Variants in TOM1L2 observed in about 807,000 individuals in gnomAD.
TOM1L2 encodes the protein target of myb1 like 2 membrane trafficking protein, also known as TOM1-like protein 2.
In TOM1L2, 31 loss-of-function variants were observed where a neutral mutation model predicts 67.9. That is an observed-to-expected ratio of 0.46 (90% CI 0.34 to 0.62). TOM1L2 has a LOEUF of 0.62. Ranked by LOEUF, TOM1L2 falls within the 20% of genes least tolerant of loss-of-function variation. The probability of loss-of-function intolerance (pLI) is 0.01; values close to 1 mark genes in which losing one functional copy is unlikely to be tolerated. For synonymous variants in TOM1L2, 256 were observed against 254.0 expected, an observed-to-expected ratio of 1.01 and a Z score of -0.07; for missense variants, 606 against 663.5, an observed-to-expected ratio of 0.91 and a Z score of 0.95.
At chr17:17,966,795 T>C (rs1329690954) in intron 1 of TOM1L2, among the ~76,000 whole-genome samples, 2 of 152,238 alleles carry the variant, frequency 1.3e-5, no homozygotes, top group Admixed American at 6.5e-5. Context: ...TGAGATTCTA[T>C]GTACAGAGTT....
At position 17,962,956 on chromosome 17, in the gene TOM1L2, G is replaced by A. The variant is rs191541081; in HGVS notation, c.52+9306C>T. 2.2e-3 allele frequency among the ~76,000 whole-genome samples: 321 copies of A among 146,580 alleles called. 4 individuals carry two copies. The highest frequency in any genetic ancestry group is 7.5e-3 in the African/African-American group (301 of 39,902). ...AGCCTGGGCAACAGAGTGAGACTCC[G>A]TCTCAAAAAAAAAAAAAATGTAAAT... is the stretch of plus-strand genomic sequence containing the variant. On this transcript the variant is annotated intron_variant, in intron 1 of 14. Transcript: ENST00000379504.
At position 17,844,203 on chromosome 17, in the gene TOM1L2, C is replaced by T. The variant is rs1485584733; in HGVS notation, c.*3432G>A. 6.6e-6 allele frequency: 1 copy of T among 152,240 alleles called. No individual in the cohort carries two copies. The highest frequency in any genetic ancestry group is 1.5e-5 in the Non-Finnish European group (1 of 68,068). The allele number at this position is 152,240 out of a possible 1,614,324, so 9.4% of individuals were successfully genotyped here. A position where few individuals can be genotyped will look rare whatever the true frequency, so the allele number is the denominator to read the frequency against. ...GGGCCCATGGCCTACCCCAAGCCAT[C>T]CAGAAGGCTGGGCCCAACTGAGTTA... On this transcript the variant is annotated 3_prime_UTR_variant, in exon 15 of 15. Coordinates refer to ENST00000379504, the MANE Select transcript of TOM1L2 (RefSeq NM_001082968.2).
chr17:17,851,148 A>G (rs2143511170), intron 12 of TOM1L2, 196 bp from the exon 13 acceptor site: 2 of 591,776 alleles, frequency 3.4e-6, no homozygotes, highest in Non-Finnish European at 6.1e-6. Flanking sequence ...GAGGAAAGCA[A>G]TGAGGTGCAA....
Position 17,847,573 on chromosome 17 carries a change from G to A in TOM1L2, c.*62C>T. The A allele has an allele frequency of 6.5e-7, 1 of 1,545,042 alleles. No homozygotes were observed. The highest frequency in any genetic ancestry group is 1.9e-5 in the Admixed American group (1 of 53,736). On this transcript the variant is annotated 3_prime_UTR_variant, in exon 15 of 15. Coordinates refer to ENST00000379504, the MANE Select transcript of TOM1L2 (RefSeq NM_001082968.2). ...AGCTGGGGATGTAGGAGTGGCCAGT[G>A]CCCGGTGTCCACGGGGTGCGAGCGG... is the stretch of plus-strand genomic sequence containing the variant.
At chr17:17,908,681 A>G (rs2039205702) in intron 1 of TOM1L2, among the ~76,000 whole-genome samples, 1 of 152,216 alleles carries the variant, frequency 6.6e-6, no homozygotes, top group Non-Finnish European at 1.5e-5. Flanking sequence ...CAAGTATGTG[A>G]AAAGAGGTTC....
chr17:17,883,717 C>T (rs1238938474), intron 5 of TOM1L2, among the ~76,000 whole-genome samples: 5 of 151,998 alleles, frequency 3.3e-5, no homozygotes. Context: ...CTGGGCGACA[C>T]AGCAAGACTC....
At chr17:17,956,866 T>C (rs945611659) in intron 1 of TOM1L2, among the ~76,000 whole-genome samples, 8 of 152,088 alleles carry the variant, frequency 5.3e-5, no homozygotes, top group Middle Eastern at 3.2e-3. Context: ...CACATCTCCC[T>C]GCAAGCTGAG....
chr17:17,915,329 C>A (rs1488504431), intron 1 of TOM1L2, among the ~76,000 whole-genome samples: 1 of 152,172 alleles, frequency 6.6e-6, no homozygotes, highest in Non-Finnish European at 1.5e-5. Flanking sequence ...GAACTAGGAT[C>A]AAATATTGGT....
chr17:17,953,229 G>A (rs887212003), intron 1 of TOM1L2, among the ~76,000 whole-genome samples: 3 of 152,244 alleles, frequency 2.0e-5, no homozygotes, highest in East Asian at 1.9e-4. Flanking sequence ...GCAGTGAGCC[G>A]AAATCTTGTC....
chr17:17,961,445 C>T (rs2041673410), intron 1 of TOM1L2, among the ~76,000 whole-genome samples: 1 of 151,868 alleles, frequency 6.6e-6, no homozygotes, highest in African/African-American at 2.4e-5. Context: ...AATGGTGGTG[C>T]ATGCCTATAG....
chr17:17,916,602 G>A (rs2039639002), intron 1 of TOM1L2, among the ~76,000 whole-genome samples: 1 of 152,154 alleles, frequency 6.6e-6, no homozygotes. Context: ...TTATTTCTGA[G>A]TTCTCTACTT....
At chr17:17,898,944 T>C (rs549824379) in intron 2 of TOM1L2, among the ~76,000 whole-genome samples, 2 of 152,248 alleles carry the variant, frequency 1.3e-5, no homozygotes, top group Non-Finnish European at 2.9e-5. Context: ...ATAAAGTTCT[T>C]TGCATAACAG....
intron 2 of TOM1L2, among the ~76,000 whole-genome samples, chr17:17,899,355 G>A (rs8078252): frequency 0.049 from 7,465 of 152,190 alleles, 519 homozygotes; most frequent in African/African-American, 0.15. Context: ...AACCCAACAA[G>A]TTTTGTGTTT....
chr17:17,901,183 G>A (rs754587372), intron 2 of TOM1L2, among the ~76,000 whole-genome samples: 2 of 152,156 alleles, frequency 1.3e-5, no homozygotes, highest in African/African-American at 2.4e-5. Flanking sequence ...CTCTCTCCCC[G>A]GGGGAAAAGC....
At position 17,912,411 on chromosome 17, in the gene TOM1L2, G is replaced by A. The variant is rs534016590; in HGVS notation, c.53-4880C>T. Among the ~76,000 whole-genome samples, 16 of 148,108 alleles carry A rather than the reference G, an allele frequency of 1.1e-4. No individual in the cohort carries two copies. The South Asian group carries it at 3.4e-3, about 32-fold the overall frequency. On this transcript the variant is annotated intron_variant, in intron 1 of 14. Coordinates refer to ENST00000379504, the MANE Select transcript of TOM1L2 (RefSeq NM_001082968.2). ...AGACGGGGCGGCTGCTGGGCAGAGG[G>A]GCTCCTCACTTCTCAGACGGGGCGG...
At chr17:17,860,624 T>C (rs1290545522) in intron 12 of TOM1L2, among the ~76,000 whole-genome samples, 1 of 152,214 alleles carries the variant, frequency 6.6e-6, no homozygotes, top group Non-Finnish European at 1.5e-5. Flanking sequence ...CTGCCCTCTC[T>C]AGCCCAGCTG....
chr17:17,868,318 G>A (rs568561345), intron 8 of TOM1L2, among the ~76,000 whole-genome samples: 1 of 152,330 alleles, frequency 6.6e-6, no homozygotes, highest in East Asian at 1.9e-4. Context: ...GTCAAAAGAT[G>A]AGACAAGGCC....
intron 1 of TOM1L2, among the ~76,000 whole-genome samples, chr17:17,960,790 T>C (rs111566634): frequency 2.6e-4 from 39 of 152,304 alleles, no homozygotes; most frequent in African/African-American, 9.1e-4. Context: ...AAAGAATGCA[T>C]GTAAACTACA....
chr17:17,940,021 C>G lies in TOM1L2; in HGVS notation c.52+32241G>C, dbSNP rs559002854. On this transcript the variant is annotated intron_variant, in intron 1 of 14. Coordinates refer to ENST00000379504, the MANE Select transcript of TOM1L2 (RefSeq NM_001082968.2). ...CAGCCTGGCCAACATGGTGAAACCT[C>G]ATCTCTACTAAAAATACAAAAACTA... Among the ~76,000 whole-genome samples the G allele has an allele frequency of 2.6e-5, 4 of 151,798 alleles. No individual in the cohort carries two copies. In the South Asian group the frequency reaches 8.3e-4, roughly 32 times the overall value.
Sources: allele counts gnomAD v4.1 joint callset (sites outside exome capture counted in the v4.1 genomes callset), GRCh38; gene constraint gnomAD v4.1.1; transcripts MANE v1.5; gene names NCBI Gene and HGNC (gene_info 2026-07-23, HGNC 2026-07-21).